Variants in HTR2C observed in about 807,000 individuals in gnomAD.
The protein encoded by HTR2C is 5-hydroxytryptamine receptor 2C.
HTR2C carries 5 observed loss-of-function variants against 21.0 expected under a neutral mutation model. The ratio of observed to expected loss-of-function variants is 0.24; its 90% CI spans 0.12 to 0.50. HTR2C has a LOEUF of 0.50. HTR2C is among the 20% of genes least tolerant of loss of function. The pLI is 0.98. For synonymous variants in HTR2C, 150 were observed against 145.3 expected (o/e 1.03, Z -0.23); for missense variants, 271 against 371.2 (o/e 0.73, Z 2.22).
intron 5 of HTR2C, among the ~76,000 whole-genome samples, chrX:114,877,962 G>A (rs782203620): frequency 9.0e-6 from 1 of 110,690 alleles, no homozygotes; most frequent in Non-Finnish European, 1.9e-5. Context: ...GTATCTCTCT[G>A]TTAGATGCAT....
intron 5 of HTR2C, among the ~76,000 whole-genome samples, chrX:114,861,705 G>A (rs962535736): frequency 7.2e-5 from 8 of 110,723 alleles, no homozygotes; most frequent in Admixed American, 1.9e-4. Context: ...TCTCATAACG[G>A]TTTTGACTTG....
In HTR2C at chrX:114,776,356, G is replaced by T; in HGVS notation, c.349+44749G>T. ...AAGCTGGCACTGTGACCACAGCATTGGTAACAGTCTTCCCAAGGTAGGCTT... is the reference window on the plus strand; with the variant it reads ...AAGCTGGCACTGTGACCACAGCATTTGTAACAGTCTTCCCAAGGTAGGCTT... On this transcript the variant is annotated intron_variant, in intron 4 of 5. Coordinates refer to ENST00000276198, the MANE Select transcript of HTR2C (RefSeq NM_000868.4). The T allele has an allele frequency of 8.1e-6, 6 of 736,787 alleles. No homozygotes were observed. The South Asian group carries it at 8.4e-5, about 10-fold the overall frequency. The allele number at this position is 736,787 out of a possible 1,213,427, so 60.7% of individuals were successfully genotyped here. A position where few individuals can be genotyped will look rare whatever the true frequency, so the allele number is the denominator to read the frequency against.
rs782781950 is a variant in HTR2C at position 114,704,782 on chromosome X, T to C, written c.-79-22076T>C. ...ACGTCAAATTGTCCCTGTTTGCAGA[T>C]GACATGATTGTATATTTAGAAAACC... On this transcript the variant is annotated intron_variant, in intron 2 of 5. Transcript: ENST00000276198. Among the ~76,000 whole-genome samples, 49 of 109,534 alleles carry C rather than the reference T, an allele frequency of 4.5e-4. 1 individual carries two copies. The highest frequency in any genetic ancestry group is 7.2e-4 in the Non-Finnish European group (38 of 52,532).
At chrX:114,763,569 C>T (rs113944100) in intron 4 of HTR2C, among the ~76,000 whole-genome samples, 4 of 111,269 alleles carry the variant, frequency 3.6e-5, no homozygotes, top group Non-Finnish European at 7.5e-5. Context: ...ACAGGGCTTA[C>T]ATATTCCACA....
intron 4 of HTR2C, among the ~76,000 whole-genome samples, chrX:114,823,159 T>A (rs1235583714): frequency 1.8e-5 from 2 of 111,895 alleles, no homozygotes; most frequent in African/African-American, 6.5e-5. Context: ...GCAGTGTTTG[T>A]AACCCAGAAA....
Position 114,805,617 on chromosome X carries a change from TATATATACC to T in HTR2C, c.350-42378_350-42370del, listed in dbSNP as rs1448958799. Among the ~76,000 whole-genome samples, 42 of 18,810 alleles carry T rather than the reference TATATATACC, an allele frequency of 2.2e-3. 11 individuals carry two copies. The highest frequency in any genetic ancestry group is 6.8e-3 in the African/African-American group (41 of 6,002). 16.3% of individuals were successfully genotyped at this position (18,810 alleles called of 115,157 possible). ...ATATATACCATATATATACACATCA[TATATATACC>T]ATATATATACCATATATATACACCA... On this transcript the variant is annotated intron_variant, in intron 4 of 5. Coordinates refer to ENST00000276198, the MANE Select transcript of HTR2C (RefSeq NM_000868.4).
At chrX:114,796,501 T>C (rs1211526423) in intron 4 of HTR2C, among the ~76,000 whole-genome samples, 1 of 111,230 alleles carries the variant, frequency 9.0e-6, no homozygotes, top group East Asian at 2.8e-4. Flanking sequence ...CTAATTCCTG[T>C]TACTTAATGT....
chrX:114,629,847 A>G (rs980172606), intron 2 of HTR2C, among the ~76,000 whole-genome samples: 1 of 111,204 alleles, frequency 9.0e-6, no homozygotes, highest in Admixed American at 9.6e-5. Flanking sequence ...ATACCAGGCT[A>G]GGACAAAAGT....
At chrX:114,680,654 T>A (rs1336022841) in intron 2 of HTR2C, among the ~76,000 whole-genome samples, 4 of 111,607 alleles carry the variant, frequency 3.6e-5, no homozygotes, top group Non-Finnish European at 7.5e-5. Context: ...TTCCTTCTAG[T>A]ATAAGGAAGA....
At chrX:114,851,710 C>G (rs1425326346) in intron 5 of HTR2C, among the ~76,000 whole-genome samples, 1 of 111,020 alleles carries the variant, frequency 9.0e-6, no homozygotes, top group African/African-American at 3.3e-5. Context: ...AATAAGAACT[C>G]CTTTTCATAT....
chrX:114,873,237 A>G (rs782403185), intron 5 of HTR2C, among the ~76,000 whole-genome samples: 1 of 111,440 alleles, frequency 9.0e-6, no homozygotes, highest in East Asian at 2.8e-4. Flanking sequence ...GTTGGGTTTA[A>G]ACCGAATCTT....
chrX:114,738,960 C>T (rs1280376584), intron 4 of HTR2C, among the ~76,000 whole-genome samples: 3 of 109,100 alleles, frequency 2.7e-5, no homozygotes, highest in African/African-American at 1.0e-4. Flanking sequence ...AAAATTAAAG[C>T]TAAAATATAA....
At chrX:114,734,083 T>C (rs782670847) in intron 4 of HTR2C, among the ~76,000 whole-genome samples, 1 of 110,090 alleles carries the variant, frequency 9.1e-6, no homozygotes, top group Non-Finnish European at 1.9e-5. Context: ...TGAAGGAAAA[T>C]TAACTGAATT....
chrX:114,653,814 C>T (rs868988624), intron 2 of HTR2C, among the ~76,000 whole-genome samples: 1 of 110,970 alleles, frequency 9.0e-6, no homozygotes, highest in South Asian at 3.7e-4. Flanking sequence ...GAAAAGTCAG[C>T]CCATTTAAAT....
At chrX:114,760,227 T>C (rs782620497) in intron 4 of HTR2C, among the ~76,000 whole-genome samples, 1 of 111,846 alleles carries the variant, frequency 8.9e-6, no homozygotes, top group Non-Finnish European at 1.9e-5. Context: ...ATTATTATTA[T>C]ACATTTCTAT....
At chrX:114,696,371 A>G (rs906769889) in intron 2 of HTR2C, among the ~76,000 whole-genome samples, 2 of 111,631 alleles carry the variant, frequency 1.8e-5, no homozygotes, top group East Asian at 5.6e-4. Flanking sequence ...GTATATAATC[A>G]ATAGCATGTA....
chrX:114,634,507 T>C (rs1348174715), intron 2 of HTR2C, among the ~76,000 whole-genome samples: 1 of 111,977 alleles, frequency 8.9e-6, no homozygotes, highest in Non-Finnish European at 1.9e-5. Flanking sequence ...ATTATTTCAT[T>C]CACTGTGGTC....
At chrX:114,759,514 C>T (rs1379985637) in intron 4 of HTR2C, among the ~76,000 whole-genome samples, 1 of 112,019 alleles carries the variant, frequency 8.9e-6, no homozygotes, top group Non-Finnish European at 1.9e-5. Flanking sequence ...ACTGCTTTGG[C>T]ATATAAATTG....
At position 114,644,367 on chromosome X, in the gene HTR2C, ATATATATATATATATATAT is replaced by A. The variant is rs1930271890; in HGVS notation, c.-80+30487_-80+30505del. Among the ~76,000 whole-genome samples, 434 of 48,403 alleles carry A rather than the reference ATATATATATATATATATAT, an allele frequency of 9.0e-3. 4 individuals are homozygous for A. The highest frequency in any genetic ancestry group is 0.035 in the African/African-American group (370 of 10,652). The allele number at this position is 48,403 out of a possible 115,157, so 42.0% of individuals were successfully genotyped here. A position where few individuals can be genotyped will look rare whatever the true frequency, so the allele number is the denominator to read the frequency against. On this transcript the variant is annotated intron_variant, in intron 2 of 5. Transcript: ENST00000276198. Reference sequence around the variant, plus strand: ...CTAAAATAAATAAATAAATAAATATATATATATATATATATATATATATATATATATATATATATATTTC... The same window carrying A: ...CTAAAATAAATAAATAAATAAATATAATATATATATATATATATATATTTC...
Sources: allele counts gnomAD v4.1 joint callset (sites outside exome capture counted in the v4.1 genomes callset), GRCh38; gene constraint gnomAD v4.1.1; transcripts MANE v1.5; gene names NCBI Gene and HGNC (gene_info 2026-07-23, HGNC 2026-07-21).